SRPX: variants seen among roughly 807,000 people sequenced by gnomAD.
SRPX encodes sushi repeat containing protein X-linked, also known as sushi repeat-containing protein SRPX.
SRPX carries 24 observed loss-of-function variants against 38.1 expected under a neutral mutation model. The ratio of observed to expected loss-of-function variants is 0.63; its 90% CI spans 0.46 to 0.89. The LOEUF is 0.89. Ranked by LOEUF, SRPX falls within the 40% of genes least tolerant of loss-of-function variation. The pLI is 0.00. For synonymous variants in SRPX, 184 were observed against 153.8 expected, an observed-to-expected ratio of 1.20 and a Z score of -1.45; for missense variants, 416 against 377.8, an observed-to-expected ratio of 1.10 and a Z score of -0.84.
At chrX:38,209,176 T>G (rs1227186528) in intron 1 of SRPX, among the ~76,000 whole-genome samples, 1 of 110,291 alleles carries the variant, frequency 9.1e-6, no homozygotes, top group Non-Finnish European at 1.9e-5. Context: ...CGATAATATC[T>G]ATTTTCTGCC....
rs1555949574 is a variant in SRPX, at chrX:38,178,363, G to A, written c.98-19C>T. 5.8e-6 allele frequency: 7 copies of A among 1,197,045 alleles called. No individual in the cohort carries two copies. The South Asian group carries it at 1.1e-4, about 18-fold the overall frequency. On this transcript the variant is annotated intron_variant, in intron 1 of 9. Coordinates refer to ENST00000378533, the MANE Select transcript of SRPX (RefSeq NM_006307.5). ...CCCGATCCTACAATAAAAAAGAACAGAAACTGCAGCAAGAAAAGCCACATA... is the reference window on the plus strand; with the variant it reads ...CCCGATCCTACAATAAAAAAGAACAAAAACTGCAGCAAGAAAAGCCACATA...
At chrX:38,170,327 C>T (rs755553157) in intron 4 of SRPX, among the ~76,000 whole-genome samples, 8 of 112,153 alleles carry the variant, frequency 7.1e-5, no homozygotes, top group Non-Finnish European at 9.4e-5. Flanking sequence ...TTCTGAGTTA[C>T]GCTCAAGGAC....
At chrX:38,159,016 G>C (rs1269402451) in intron 7 of SRPX, among the ~76,000 whole-genome samples, 5 of 111,164 alleles carry the variant, frequency 4.5e-5, no homozygotes, top group African/African-American at 1.6e-4. Flanking sequence ...AAAATATAAA[G>C]AGATAGGTAG....
intron 1 of SRPX, among the ~76,000 whole-genome samples, chrX:38,211,193 TC>T (rs1939314108): frequency 8.9e-6 from 1 of 112,580 alleles, no homozygotes; most frequent in South Asian, 3.7e-4. Flanking sequence ...TGATTTTTTT[TC>T]AATCAGTTTA....
At chrX:38,174,132 G>A (rs1410799650) in intron 3 of SRPX, 28 bp downstream of exon 3, 1 of 1,009,061 alleles carries the variant, frequency 9.9e-7, no homozygotes, top group African/African-American at 2.0e-5. Flanking sequence ...TCATCCCTGA[G>A]GACCCAACAC....
chrX:38,157,879 T>C (rs180912187), intron 7 of SRPX, among the ~76,000 whole-genome samples: 83 of 112,567 alleles, frequency 7.4e-4, no homozygotes, highest in Admixed American at 1.5e-3. Context: ...GGAGTATTTA[T>C]ACAATTGCTC....
intron 1 of SRPX, among the ~76,000 whole-genome samples, chrX:38,212,714 C>T (rs748142346): frequency 9.0e-6 from 1 of 111,486 alleles, no homozygotes; most frequent in East Asian, 2.8e-4. Flanking sequence ...AGTTAAGCTA[C>T]TGACATCCAG....
chrX:38,160,972 C>T lies in SRPX; in HGVS notation c.736G>A (p.Glu246Lys). The stretch of plus-strand genomic sequence containing the variant: ...CGAAATTTGCAAGTGCCCTTATTCT[C>T]AGCTCTGTCATAGACTGTGTACTGG... ...KIQYTVYDRAENKGTCKFRVK... is the reference protein window; with the variant it reads ...KIQYTVYDRAKNKGTCKFRVK... Residue 246 changes from glutamate to lysine, a missense_variant, in exon 6 of 10, where the codon GAG (glutamate) becomes AAG (lysine). Transcript: ENST00000378533. 1.7e-6 allele frequency: 2 copies of T among 1,209,988 alleles called. No individual in the cohort carries two copies. The highest frequency in any genetic ancestry group is 5.9e-5 in the East Asian group (2 of 33,831).
In SRPX at chrX:38,212,639, T is replaced by C. The variant is rs745692449; in HGVS notation, c.97+8057A>G. Among the ~76,000 whole-genome samples, 10 of 111,748 alleles carry C rather than the reference T, an allele frequency of 8.9e-5. No homozygotes were observed. The South Asian group carries it at 3.8e-3, about 43-fold the overall frequency. On this transcript the variant is annotated intron_variant, in intron 1 of 9. Coordinates refer to ENST00000378533, the MANE Select transcript of SRPX (RefSeq NM_006307.5). ...CTGCTGGCATGCAAGCACAGCTTTCTGTTTTGTTATTTTACAGAGTCACAA... is the reference window on the plus strand; with the variant it reads ...CTGCTGGCATGCAAGCACAGCTTTCCGTTTTGTTATTTTACAGAGTCACAA...
At chrX:38,200,289 C>T (rs1939085644) in intron 1 of SRPX, among the ~76,000 whole-genome samples, 1 of 112,148 alleles carries the variant, frequency 8.9e-6, no homozygotes, top group African/African-American at 3.2e-5. Flanking sequence ...GATACCAATA[C>T]TAGGGCCAAA....
chrX:38,212,560 G>A, intron 1 of SRPX, among the ~76,000 whole-genome samples: 1 of 111,452 alleles, frequency 9.0e-6, no homozygotes, highest in Non-Finnish European at 1.9e-5. Context: ...GTTTGGGCCT[G>A]AGCTTCTGCA....
chrX:38,209,286 GGCCA>G (rs1939273537), intron 1 of SRPX, among the ~76,000 whole-genome samples: 1 of 111,191 alleles, frequency 9.0e-6, no homozygotes, highest in African/African-American at 3.3e-5. Context: ...TCTCCTCAGC[GGCCA>G]GCCCATGGAG....
At chrX:38,198,652 A>G (rs1421229407) in intron 1 of SRPX, among the ~76,000 whole-genome samples, 1 of 111,761 alleles carries the variant, frequency 8.9e-6, no homozygotes, top group African/African-American at 3.3e-5. Context: ...TACAACACTG[A>G]TGGTACAAAC....
intron 1 of SRPX, among the ~76,000 whole-genome samples, chrX:38,202,073 T>C (rs1450634118): frequency 8.9e-6 from 1 of 112,023 alleles, no homozygotes; most frequent in African/African-American, 3.2e-5. Flanking sequence ...CATATAACCC[T>C]GTGGTGACAG....
At chrX:38,183,149 G>T (rs1222769159) in intron 1 of SRPX, among the ~76,000 whole-genome samples, 1 of 109,345 alleles carries the variant, frequency 9.1e-6, no homozygotes, top group East Asian at 2.8e-4. Context: ...CATCTCCTGG[G>T]TCCAAGAGAT....
At chrX:38,191,541 GACACACACACAC>G (rs10570334) in intron 1 of SRPX, among the ~76,000 whole-genome samples, 1 of 105,249 alleles carries the variant, frequency 9.5e-6, no homozygotes, top group Non-Finnish European at 2.0e-5. Flanking sequence ...ATTATACACA[GACACACACACAC>G]ACACACACAC....
chrX:38,195,331 CT>C (rs1214104326), intron 1 of SRPX, among the ~76,000 whole-genome samples: 5 of 104,253 alleles, frequency 4.8e-5, no homozygotes, highest in Non-Finnish European at 9.8e-5. Flanking sequence ...AGTTTTTGCT[CT>C]TTTTTTGGTA....
chrX:38,192,438 G>A (rs1023710152), intron 1 of SRPX, among the ~76,000 whole-genome samples: 2 of 111,372 alleles, frequency 1.8e-5, no homozygotes, highest in African/African-American at 6.5e-5. Context: ...CTGAAACACA[G>A]CATTCAGGTT....
At chrX:38,157,072 G>C (rs1169757495) in intron 7 of SRPX, 43 bp from the exon 8 acceptor site, 1 of 1,196,835 alleles carries the variant, frequency 8.4e-7, no homozygotes, top group Non-Finnish European at 1.1e-6. Context: ...CCTTCCACTT[G>C]TTCTGGCTCA....
Sources: allele counts gnomAD v4.1 joint callset (sites outside exome capture counted in the v4.1 genomes callset), GRCh38; gene constraint gnomAD v4.1.1; transcripts MANE v1.5; gene names NCBI Gene and HGNC (gene_info 2026-07-23, HGNC 2026-07-21).